PNKD: variants seen among roughly 807,000 people sequenced by gnomAD.
PNKD encodes the protein probable thioesterase PNKD.
Under a neutral mutation model 45.3 loss-of-function variants are expected in PNKD, and 36 were observed. That is an observed-to-expected ratio of 0.80 (90% CI 0.61 to 1.05). The LOEUF (loss-of-function observed/expected upper bound fraction) is 1.05, where lower values mean the gene tolerates loss of function less well. Among genes scored for constraint, PNKD ranks in the 50% least tolerant of loss-of-function variants. The probability of loss-of-function intolerance (pLI) is 0.00; values close to 1 mark genes in which losing one functional copy is unlikely to be tolerated. For synonymous variants in PNKD, 197 were observed against 210.1 expected (o/e 0.94, Z 0.54); for missense variants, 511 against 506.6 (o/e 1.01, Z -0.08).
chr2:218,323,576 T>TG (rs1559525430), intron 2 of PNKD: 1 of 387,372 alleles, frequency 2.6e-6, no homozygotes, highest in Non-Finnish European at 3.8e-6. Context: ...GGAGACGGAC[T>TG]GGAGAAGCCA....
chr2:218,294,514 A>T (rs1243431303), intron 2 of PNKD, among the ~76,000 whole-genome samples: 2 of 152,074 alleles, frequency 1.3e-5, no homozygotes, highest in Admixed American at 1.3e-4. Context: ...TTTTTTTGAG[A>T]TGGAATCTCA....
chr2:218,272,513 T>C, intron 2 of PNKD: 1 of 1,556,714 alleles, frequency 6.4e-7, no homozygotes, highest in Middle Eastern at 2.2e-4. Flanking sequence ...TCCCCCCAGC[T>C]CCTCTGGCTC....
rs1398104056 is a variant in PNKD at position 218,301,657 on chromosome 2, C to T, written c.236+30108C>T. On this transcript the variant is annotated intron_variant, in intron 2 of 9. Transcript: ENST00000273077. Reference sequence around the variant, plus strand: ...AAAACATTAGCTGGGCATGGTTGTGCGTGCCTGTAGTCCCAGCTACTTGGA... The same window carrying T: ...AAAACATTAGCTGGGCATGGTTGTGTGTGCCTGTAGTCCCAGCTACTTGGA... Among the ~76,000 whole-genome samples, 2 of 152,058 alleles carry T rather than the reference C, an allele frequency of 1.3e-5. 1 individual carries two copies. The highest frequency in any genetic ancestry group is 4.2e-4 in the South Asian group (2 of 4,818).
chr2:218,281,234 C>G (rs1198990563), intron 2 of PNKD, among the ~76,000 whole-genome samples: 1 of 149,704 alleles, frequency 6.7e-6, no homozygotes, highest in Admixed American at 6.7e-5. Context: ...CCTGGGATTG[C>G]AAGCGATTCT....
At chr2:218,281,134 T>TG (rs1559504750) in intron 2 of PNKD, 1 of 120,572 alleles carries the variant, frequency 8.3e-6, no homozygotes, top group African/African-American at 2.8e-5. Flanking sequence ...TTTTTGTTTT[T>TG]TTTTTGGTTT....
intron 2 of PNKD, among the ~76,000 whole-genome samples, chr2:218,306,210 C>A (rs192728732): frequency 6.6e-6 from 1 of 152,100 alleles, no homozygotes; most frequent in African/African-American, 2.4e-5. Flanking sequence ...ACAAGGGATG[C>A]AAATTTGATT....
chr2:218,338,119 C>G (rs556522116), intron 2 of PNKD, among the ~76,000 whole-genome samples: 1 of 147,478 alleles, frequency 6.8e-6, no homozygotes, highest in Non-Finnish European at 1.5e-5. Context: ...TGCACCCCTG[C>G]CTGACGACAG....
In PNKD at chr2:218,279,185, C is replaced by T. The variant is rs114235213; in HGVS notation, c.236+7636C>T. ...GCCCTGGCTTCACCTTCTCTAATTGCCCATGGTCACCCTGAGAGCAGGGCC... is the reference window on the plus strand; with the variant it reads ...GCCCTGGCTTCACCTTCTCTAATTGTCCATGGTCACCCTGAGAGCAGGGCC... On this transcript the variant is annotated intron_variant, in intron 2 of 9. Transcript: ENST00000273077. The T allele has an allele frequency of 2.9e-3, 4,532 of 1,580,676 alleles. 113 individuals carry two copies. The African/African-American group carries it at 0.054, about 19-fold the overall frequency.
At chr2:218,270,840 G>T in intron 1 of PNKD, 1 of 394,936 alleles carries the variant, frequency 2.5e-6, no homozygotes, top group Non-Finnish European at 4.5e-6. Flanking sequence ...AAGCCTGTTG[G>T]ACTCCCGCGC....
intron 2 of PNKD, among the ~76,000 whole-genome samples, chr2:218,324,780 C>A (rs974114904): frequency 3.3e-5 from 5 of 151,368 alleles, no homozygotes; most frequent in African/African-American, 1.2e-4. Context: ...ACTAAAAATA[C>A]AAAAATTAGC....
chr2:218,330,853 G>A (rs1694296544), intron 2 of PNKD, among the ~76,000 whole-genome samples: 2 of 152,236 alleles, frequency 1.3e-5, no homozygotes, highest in Non-Finnish European at 2.9e-5. Context: ...TGCTGACTGT[G>A]CCTGGGAAGC....
intron 2 of PNKD, among the ~76,000 whole-genome samples, chr2:218,292,147 A>G (rs573953892): frequency 6.6e-6 from 1 of 152,212 alleles, no homozygotes; most frequent in African/African-American, 2.4e-5. Flanking sequence ...CAGAGAGGCC[A>G]CTCGTGCCCG....
At chr2:218,293,580 CTT>C (rs34887009) in intron 2 of PNKD, among the ~76,000 whole-genome samples, 6 of 98,672 alleles carry the variant, frequency 6.1e-5, no homozygotes, top group African/African-American at 1.9e-4. Context: ...ACTGAATGTC[CTT>C]TTTTTTTTTT....
chr2:218,278,273 ATTTG>A, intron 2 of PNKD: 1 of 607,816 alleles, frequency 1.6e-6, no homozygotes, highest in Non-Finnish European at 2.9e-6. Context: ...GGTTCTTCCT[ATTTG>A]TTAACTGGCT....
chr2:218,339,286 T>A (rs1325411521), intron 2 of PNKD, among the ~76,000 whole-genome samples: 1 of 151,704 alleles, frequency 6.6e-6, no homozygotes, highest in Admixed American at 6.6e-5. Flanking sequence ...TTAGACAGAG[T>A]CTCACTCTTT....
chr2:218,306,542 C>G (rs557951554), intron 2 of PNKD, among the ~76,000 whole-genome samples: 1 of 152,278 alleles, frequency 6.6e-6, no homozygotes, highest in Middle Eastern at 3.4e-3. Context: ...ATGCAAATTA[C>G]CAGTCCCTCG....
chr2:218,272,777 C>T (rs1478177595), intron 2 of PNKD: 1 of 1,614,068 alleles, frequency 6.2e-7, no homozygotes, highest in Admixed American at 1.7e-5. Context: ...CGCTGCGACC[C>T]TCCTAGGCTA....
At chr2:218,273,736 C>A (rs1470100072) in intron 2 of PNKD, among the ~76,000 whole-genome samples, 7 of 151,666 alleles carry the variant, frequency 4.6e-5, no homozygotes, top group Non-Finnish European at 8.8e-5. Context: ...AGGTGATTCC[C>A]CCCCACCGCC....
At chr2:218,289,634 A>AAAAC in intron 2 of PNKD, among the ~76,000 whole-genome samples, 1 of 150,988 alleles carries the variant, frequency 6.6e-6, no homozygotes, top group East Asian at 1.9e-4. Flanking sequence ...AGAAAAAAAA[A>AAAAC]AAAAAAAAAA....
Sources: allele counts gnomAD v4.1 joint callset (sites outside exome capture counted in the v4.1 genomes callset), GRCh38; gene constraint gnomAD v4.1.1; transcripts MANE v1.5; gene names NCBI Gene and HGNC (gene_info 2026-07-23, HGNC 2026-07-21).